Variants in CSMD1 observed in about 807,000 individuals in gnomAD.
CSMD1 encodes CUB and Sushi multiple domains 1.
CSMD1 carries 213 observed loss-of-function variants against 417.5 expected under a neutral mutation model. That is an observed-to-expected ratio of 0.51 (90% confidence interval 0.46 to 0.57). The LOEUF (loss-of-function observed/expected upper bound fraction) is 0.57, where lower values mean the gene tolerates loss of function less well. Among genes scored for constraint, CSMD1 ranks in the 20% least tolerant of loss-of-function variants. The pLI is 0.00. For synonymous variants in CSMD1, 2,862 were observed against 1,736.8 expected (o/e 1.65, Z -16.11); for missense variants, 6,923 against 4,529.7 (o/e 1.53, Z -15.17).
intron 3 of CSMD1, among the ~76,000 whole-genome samples, chr8:4,164,616 TGGTTTACATACTTCTGTGATTGA>T (rs1217821568): frequency 8.5e-5 from 13 of 152,224 alleles, no homozygotes; most frequent in Non-Finnish European, 1.6e-4. Flanking sequence ...GGTACCTTAT[TGGTTTACATACTTCTGTGATTGA>T]GTCCCTCACA....
chr8:4,451,347 CT>C (rs1799134419), intron 2 of CSMD1, among the ~76,000 whole-genome samples: 1 of 152,146 alleles, frequency 6.6e-6, no homozygotes, highest in Non-Finnish European at 1.5e-5. Context: ...AAGACCCTGA[CT>C]CAAAATAATA....
chr8:4,179,740 C>A (rs536857447), intron 3 of CSMD1, among the ~76,000 whole-genome samples: 54 of 45,066 alleles, frequency 1.2e-3, no homozygotes, highest in African/African-American at 4.9e-3. Flanking sequence ...AAGAAAAAAA[C>A]AAACAACCCC....
rs558413260 is a variant in CSMD1 at position 3,599,016 on chromosome 8, G to T, written c.1098-12756C>A. ...GAATTCCGTGAATGTGGGAGGTAGGGGTTGCAGTGAGCAGAGCTTGCAACA... is the reference window on the plus strand; with the variant it reads ...GAATTCCGTGAATGTGGGAGGTAGGTGTTGCAGTGAGCAGAGCTTGCAACA... On this transcript the variant is annotated intron_variant, in intron 8 of 69. Transcript: ENST00000635120. Among the ~76,000 whole-genome samples, 5 of 152,238 alleles carry T rather than the reference G, an allele frequency of 3.3e-5. No homozygotes were observed. In the East Asian group the frequency reaches 5.8e-4, roughly 18 times the overall value.
At chr8:4,983,126 A>G (rs139000445) in intron 1 of CSMD1, among the ~76,000 whole-genome samples, 268 of 152,348 alleles carry the variant, frequency 1.8e-3, no homozygotes, top group Admixed American at 2.9e-3. Flanking sequence ...AAACAGAAAC[A>G]CAATTGAATC....
At chr8:3,364,391 C>A in intron 20 of CSMD1, among the ~76,000 whole-genome samples, 1 of 152,122 alleles carries the variant, frequency 6.6e-6, no homozygotes, top group South Asian at 2.1e-4. Context: ...TTATTTTCTA[C>A]TGGTTATGTT....
intron 12 of CSMD1, among the ~76,000 whole-genome samples, chr8:3,418,194 C>G (rs962288178): frequency 6.6e-6 from 1 of 152,142 alleles, no homozygotes; most frequent in African/African-American, 2.4e-5. Context: ...GGGAACTACA[C>G]CTGCTGTGTT....
At chr8:4,227,136 T>G (rs1314366413) in intron 3 of CSMD1, among the ~76,000 whole-genome samples, 1 of 152,150 alleles carries the variant, frequency 6.6e-6, no homozygotes, top group African/African-American at 2.4e-5. Context: ...GAAGGGTTTT[T>G]TAGCCCAGAA....
At chr8:3,448,941 A>G (rs1454476164) in intron 12 of CSMD1, among the ~76,000 whole-genome samples, 1 of 152,208 alleles carries the variant, frequency 6.6e-6, no homozygotes, top group African/African-American at 2.4e-5. Flanking sequence ...CCAAGAGTAA[A>G]TGTAGGAAAG....
At chr8:3,297,845 A>C (rs552619305) in intron 25 of CSMD1, among the ~76,000 whole-genome samples, 1 of 141,900 alleles carries the variant, frequency 7.0e-6, no homozygotes, top group East Asian at 2.3e-4. Context: ...AACCGTAAAG[A>C]AAAAAAATGA....
At chr8:4,727,806 G>C (rs1051675364) in intron 1 of CSMD1, among the ~76,000 whole-genome samples, 1 of 150,438 alleles carries the variant, frequency 6.6e-6, no homozygotes, top group African/African-American at 2.4e-5. Context: ...ATATATGTTT[G>C]GTACATGTAT....
chr8:4,386,502 C>G (rs977987623), intron 3 of CSMD1, among the ~76,000 whole-genome samples: 7 of 152,252 alleles, frequency 4.6e-5, no homozygotes, highest in African/African-American at 1.4e-4. Flanking sequence ...AATAGAGAAT[C>G]TCAATCCCAT....
intron 3 of CSMD1, among the ~76,000 whole-genome samples, chr8:4,122,835 A>C (rs554194233): frequency 2.6e-4 from 40 of 152,354 alleles, no homozygotes; most frequent in African/African-American, 9.6e-4. Context: ...TCTGTAACAG[A>C]GTTCACAGAG....
chr8:2,966,793 A>T (rs766056428), intron 57 of CSMD1, 47 bp from the exon 58 acceptor site: 2 of 1,584,734 alleles, frequency 1.3e-6, no homozygotes, highest in Admixed American at 1.7e-5. Context: ...GTGACCCAGC[A>T]TGAAAATGGC....
At chr8:3,139,500 A>T (rs926100798) in intron 41 of CSMD1, among the ~76,000 whole-genome samples, 1 of 152,184 alleles carries the variant, frequency 6.6e-6, no homozygotes, top group Non-Finnish European at 1.5e-5. Context: ...GGCTAGTGAC[A>T]TTAACATCTC....
chr8:4,712,822 C>G (rs1412157753), intron 1 of CSMD1, among the ~76,000 whole-genome samples: 1 of 152,122 alleles, frequency 6.6e-6, no homozygotes, highest in East Asian at 1.9e-4. Flanking sequence ...ACTGTACTAT[C>G]TAAAGTTTCT....
intron 54 of CSMD1, among the ~76,000 whole-genome samples, chr8:2,979,029 T>C (rs1325288055): frequency 6.6e-6 from 1 of 152,258 alleles, no homozygotes; most frequent in Admixed American, 6.5e-5. Context: ...CACGTGAGGC[T>C]AATTTCCTCT....
At chr8:4,571,191 ATT>A (rs2130655360) in intron 2 of CSMD1, among the ~76,000 whole-genome samples, 1 of 152,078 alleles carries the variant, frequency 6.6e-6, no homozygotes, top group South Asian at 2.1e-4. Context: ...CTAGGTTTGA[ATT>A]TGTTTGCTCT....
chr8:4,748,759 T>G (rs1811115604), intron 1 of CSMD1, among the ~76,000 whole-genome samples: 1 of 152,238 alleles, frequency 6.6e-6, no homozygotes, highest in African/African-American at 2.4e-5. Flanking sequence ...CAGACTTAAT[T>G]ACTGGTTAAT....
chr8:3,046,064 G>A (rs938202640), intron 50 of CSMD1, among the ~76,000 whole-genome samples: 2 of 152,116 alleles, frequency 1.3e-5, no homozygotes. Context: ...TTTGGAGAAA[G>A]GAGCTCAAAA....
Sources: allele counts gnomAD v4.1 joint callset (sites outside exome capture counted in the v4.1 genomes callset), GRCh38; gene constraint gnomAD v4.1.1; transcripts MANE v1.5; gene names NCBI Gene and HGNC (gene_info 2026-07-23, HGNC 2026-07-21).